MXI1: variants seen among roughly 807,000 people sequenced by gnomAD.
MXI1 encodes MAX interactor 1, dimerization protein, also known as max-interacting protein 1.
MXI1 carries 18 observed loss-of-function variants against 36.9 expected under a neutral mutation model. The ratio of observed to expected loss-of-function variants is 0.49; its 90% CI spans 0.34 to 0.72. The LOEUF (loss-of-function observed/expected upper bound fraction) is 0.72. Among genes scored for constraint, MXI1 ranks in the 30% least tolerant of loss-of-function variants. MXI1 has a pLI of 0.01. For missense variants in MXI1, 304 were observed against 379.1 expected (o/e 0.80, Z 1.64); for synonymous variants, 160 against 146.7 (o/e 1.09, Z -0.65).
intron 3 of MXI1, among the ~76,000 whole-genome samples, chr10:110,247,308 T>C (rs1025785304): frequency 6.6e-6 from 1 of 152,210 alleles, no homozygotes; most frequent in Non-Finnish European, 1.5e-5. Context: ...ATGAGTAGAT[T>C]GCAAAAATTT....
chr10:110,240,442 A>G (rs142827324), intron 2 of MXI1, among the ~76,000 whole-genome samples: 2,526 of 152,204 alleles, frequency 0.017, 33 homozygotes, highest in Non-Finnish European at 0.027. Flanking sequence ...CATTGTTAAG[A>G]AAGAAGCAAT....
intron 1 of MXI1, among the ~76,000 whole-genome samples, chr10:110,222,127 G>T (rs1425790733): frequency 6.6e-6 from 1 of 152,182 alleles, no homozygotes; most frequent in Non-Finnish European, 1.5e-5. Context: ...GAAGAGGAGG[G>T]GAGGAGGCTG....
intron 3 of MXI1, among the ~76,000 whole-genome samples, chr10:110,276,807 G>A (rs1857048769): frequency 6.6e-6 from 1 of 150,804 alleles, no homozygotes; most frequent in Non-Finnish European, 1.5e-5. Flanking sequence ...GAAAGTTTAT[G>A]GAATCATTTT....
chr10:110,269,673 CAG>C (rs1055707798), intron 3 of MXI1, among the ~76,000 whole-genome samples: 8 of 152,178 alleles, frequency 5.3e-5, no homozygotes, highest in African/African-American at 1.9e-4. Context: ...CACTGCGTCT[CAG>C]ATCTCACTTG....
rs1564729322 is a variant in MXI1, at chr10:110,285,111, A to G, written c.*124A>G. The stretch of plus-strand genomic sequence containing the variant: ...AAACAAAACAAAACAAAACAAAACT[A>G]TACTTGAACAAAAGGGTCAGAGGAC... On this transcript the variant is annotated 3_prime_UTR_variant, in exon 6 of 6. Transcript: ENST00000332674. 3 of 952,142 alleles carry G rather than the reference A, an allele frequency of 3.2e-6. No homozygotes were observed. Among genetic ancestry groups the G allele is most frequent in the African/African-American group, 3.4e-5 (2 of 59,198 alleles). 59.0% of individuals were successfully genotyped at this position (952,142 alleles called of 1,614,324 possible).
intron 3 of MXI1, among the ~76,000 whole-genome samples, chr10:110,267,549 C>T (rs944370644): frequency 1.3e-5 from 2 of 152,164 alleles, no homozygotes; most frequent in African/African-American, 2.4e-5. Flanking sequence ...CTTTACAGAA[C>T]AGCTTGTATT....
chr10:110,273,096 C>T (rs1725205927), intron 3 of MXI1, among the ~76,000 whole-genome samples: 1 of 138,098 alleles, frequency 7.2e-6, no homozygotes, highest in South Asian at 2.3e-4. Flanking sequence ...CACCCTGGCT[C>T]GAGTGCAGTG....
intron 1 of MXI1, chr10:110,227,472 G>T: frequency 1.0e-6 from 1 of 988,922 alleles, no homozygotes. Context: ...AGGGAAGTTG[G>T]AGAGAGGGCG....
At chr10:110,255,452 A>T (rs183273015) in intron 3 of MXI1, among the ~76,000 whole-genome samples, 1 of 152,326 alleles carries the variant, frequency 6.6e-6, no homozygotes, top group East Asian at 1.9e-4. Context: ...GTGTGATTTC[A>T]ACTTTCAAGT....
chr10:110,256,728 C>T (rs1490900816), intron 3 of MXI1, among the ~76,000 whole-genome samples: 2 of 151,596 alleles, frequency 1.3e-5, no homozygotes, highest in East Asian at 1.9e-4. Flanking sequence ...CTAAGATGAC[C>T]ATCTAGGGTT....
intron 2 of MXI1, among the ~76,000 whole-genome samples, chr10:110,239,380 C>G (rs1855585867): frequency 6.6e-6 from 1 of 152,114 alleles, no homozygotes; most frequent in African/African-American, 2.4e-5. Context: ...TGGACACTAC[C>G]CTCCCAACAG....
intron 3 of MXI1, among the ~76,000 whole-genome samples, chr10:110,278,755 G>T (rs1410626777): frequency 6.6e-6 from 1 of 151,868 alleles, no homozygotes; most frequent in Non-Finnish European, 1.5e-5. Context: ...CAAGTAAAAG[G>T]TGGGAGGGGG....
chr10:110,230,180 A>C (rs958441619), intron 2 of MXI1, among the ~76,000 whole-genome samples: 1 of 152,248 alleles, frequency 6.6e-6, no homozygotes, highest in South Asian at 2.1e-4. Context: ...AATAAGATGC[A>C]CATTCCTAAG....
At chr10:110,236,062 T>C (rs1485242905) in intron 2 of MXI1, among the ~76,000 whole-genome samples, 2 of 150,146 alleles carry the variant, frequency 1.3e-5, no homozygotes, top group Non-Finnish European at 3.0e-5. Context: ...AGGTTTTACA[T>C]TTAGATTTAA....
At chr10:110,237,921 C>T (rs1855528638) in intron 2 of MXI1, among the ~76,000 whole-genome samples, 1 of 152,186 alleles carries the variant, frequency 6.6e-6, no homozygotes, top group South Asian at 2.1e-4. Flanking sequence ...GGAGTACAGG[C>T]ATGCGCTACA....
intron 1 of MXI1, 25 bp from the exon 2 acceptor site, chr10:110,228,164 T>A (rs1416973366): frequency 6.2e-7 from 1 of 1,612,968 alleles, no homozygotes; most frequent in Non-Finnish European, 8.5e-7. Flanking sequence ...CTTCTTACCG[T>A]ATCTTTTTTT....
rs1368549767 is a variant in MXI1, at chr10:110,285,988, G to GA, written c.*1008dup. 1.3e-5 allele frequency: 2 copies of GA among 152,530 alleles called. No individual in the cohort carries two copies. The highest frequency in any genetic ancestry group is 3.9e-4 in the East Asian group (2 of 5,186). The allele number at this position is 152,530 out of a possible 1,614,324, so 9.4% of individuals were successfully genotyped here. A position where few individuals can be genotyped will look rare whatever the true frequency, so the allele number is the denominator to read the frequency against. On this transcript the variant is annotated 3_prime_UTR_variant, in exon 6 of 6. Transcript: ENST00000332674. ...CTTTTATAGTGGAAAAACACATGGG[G>GA]AAAAAAATCATCTATTTTGATGCAG...
Position 110,233,711 on chromosome 10 carries a change from CT to C in MXI1, c.407+5392del, listed in dbSNP as rs202000303. Reference sequence around the variant, plus strand: ...TGAAATGTGTTTTGTGATAGTCTGTCTTCTACCAAAATTGACTTAAATGAAA... The same window carrying C: ...TGAAATGTGTTTTGTGATAGTCTGTCTCTACCAAAATTGACTTAAATGAAA... On this transcript the variant is annotated intron_variant, in intron 2 of 5. Transcript: ENST00000332674. Among the ~76,000 whole-genome samples the C allele has an allele frequency of 7.6e-3, 1,152 of 152,188 alleles. 13 individuals are homozygous for C. Among genetic ancestry groups the C allele is most frequent in the African/African-American group, 0.027 (1,111 of 41,550 alleles).
At chr10:110,253,339 TAGAACAAAACGTAAG>T (rs1394949309) in intron 3 of MXI1, among the ~76,000 whole-genome samples, 1 of 152,070 alleles carries the variant, frequency 6.6e-6, no homozygotes, top group Admixed American at 6.6e-5. Flanking sequence ...TGCCTTATCT[TAGAACAAAACGTAAG>T]AGTAAATCTT....
Sources: gnomAD v4.1 joint callset for allele counts (sites outside exome capture counted in the v4.1 genomes callset) on GRCh38, gnomAD v4.1.1 for gene constraint, MANE v1.5 for transcripts, NCBI Gene and HGNC (gene_info 2026-07-23, HGNC 2026-07-21) for gene names.